The following CMTM8 variants were observed in gnomAD, a reference collection of about 807,000 sequenced individuals.
CMTM8 encodes CKLF like MARVEL transmembrane domain containing 8, also known as CKLF-like MARVEL transmembrane domain-containing protein 8.
Under a neutral mutation model 18.6 loss-of-function variants are expected in CMTM8, and 12 were observed. The observed-to-expected ratio is 0.65, with a 90% CI of 0.41 to 1.05. The LOEUF (loss-of-function observed/expected upper bound fraction) is 1.05, where lower values mean the gene tolerates loss of function less well. Ranked by LOEUF, CMTM8 falls within the 50% of genes least tolerant of loss-of-function variation. CMTM8 has a pLI of 0.00. For synonymous variants in CMTM8, 87 were observed against 90.6 expected (o/e 0.96, Z 0.23); for missense variants, 217 against 227.2 (o/e 0.95, Z 0.29).
Position 32,319,057 on chromosome 3 carries a change from C to CATACATATATATAT in CMTM8, c.148-38313_148-38312insCATATATATATATA, listed in dbSNP as rs1206855049. 6.2e-3 allele frequency among the ~76,000 whole-genome samples: 282 copies of CATACATATATATAT among 45,818 alleles called. 25 individuals are homozygous for CATACATATATATAT. Among genetic ancestry groups the CATACATATATATAT allele is most frequent in the African/African-American group, 0.027 (273 of 10,110 alleles). The allele number at this position is 45,818 out of a possible 152,430, so 30.1% of individuals were successfully genotyped here. ...AAATTTATATATATGTGTGTATATACATATATATATATATATATTTTTTTT... is the reference window on the plus strand; with the variant it reads ...AAATTTATATATATGTGTGTATATACATACATATATATATATATATATATATATATATTTTTTTT... On this transcript the variant is annotated intron_variant, in intron 1 of 3. Coordinates refer to ENST00000307526, the MANE Select transcript of CMTM8 (RefSeq NM_178868.5).
intron 1 of CMTM8, among the ~76,000 whole-genome samples, chr3:32,305,383 G>C (rs547051228): frequency 6.6e-6 from 1 of 152,158 alleles, no homozygotes; most frequent in East Asian, 1.9e-4. Flanking sequence ...TAGGAGGGTG[G>C]TATTGGCATC....
At chr3:32,336,698 G>A (rs1696393265) in intron 1 of CMTM8, among the ~76,000 whole-genome samples, 1 of 152,146 alleles carries the variant, frequency 6.6e-6, no homozygotes, top group African/African-American at 2.4e-5. Flanking sequence ...TGTTTTTATA[G>A]GGACTCTTGC....
rs572530030 is a variant in CMTM8 at position 32,320,574 on chromosome 3, A to T, written c.148-36799A>T. ...TGATTGTGATGATGGCTATGAATACACTAAAATCTATTGTGTACTTTAAGT... is the reference window on the plus strand; with the variant it reads ...TGATTGTGATGATGGCTATGAATACTCTAAAATCTATTGTGTACTTTAAGT... On this transcript the variant is annotated intron_variant, in intron 1 of 3. Coordinates refer to ENST00000307526, the MANE Select transcript of CMTM8 (RefSeq NM_178868.5). Among the ~76,000 whole-genome samples, 8 of 152,338 alleles carry T rather than the reference A, an allele frequency of 5.3e-5. No individual in the cohort carries two copies. The East Asian group carries it at 1.5e-3, about 29-fold the overall frequency.
chr3:32,328,021 G>A (rs948735406), intron 1 of CMTM8, among the ~76,000 whole-genome samples: 1 of 152,216 alleles, frequency 6.6e-6, no homozygotes, highest in Admixed American at 6.5e-5. Flanking sequence ...GACAAGCTTA[G>A]AAAACATAGT....
rs545456613 is a variant in CMTM8, at chr3:32,349,311, T to A, written c.148-8062T>A. Among the ~76,000 whole-genome samples the A allele has an allele frequency of 5.0e-3, 762 of 152,084 alleles. 6 individuals are homozygous for A. Among genetic ancestry groups the A allele is most frequent in the African/African-American group, 0.018 (735 of 41,486 alleles). ...CCTGGCTGGGCTGTGTGTTGGGGAA[T>A]CCCCAAAGTCAGTATCTTTGTCTTT... is the stretch of plus-strand genomic sequence containing the variant. On this transcript the variant is annotated intron_variant, in intron 1 of 3. Coordinates refer to ENST00000307526, the MANE Select transcript of CMTM8 (RefSeq NM_178868.5).
At chr3:32,332,868 T>G (rs1696307087) in intron 1 of CMTM8, among the ~76,000 whole-genome samples, 1 of 152,180 alleles carries the variant, frequency 6.6e-6, no homozygotes, top group African/African-American at 2.4e-5. Context: ...GTTTGTTGCC[T>G]TTTATCCTCA....
At chr3:32,262,479 C>T (rs755749901) in intron 1 of CMTM8, among the ~76,000 whole-genome samples, 3 of 152,132 alleles carry the variant, frequency 2.0e-5, no homozygotes, top group Non-Finnish European at 2.9e-5. Flanking sequence ...TTTACTACAT[C>T]CACTTCATTG....
chr3:32,316,113 G>A (rs1490850182), intron 1 of CMTM8, among the ~76,000 whole-genome samples: 2 of 125,920 alleles, frequency 1.6e-5, no homozygotes, highest in East Asian at 2.8e-4. Context: ...TGCAAGCTCC[G>A]CCTCCCGGGA....
chr3:32,349,217 T>G (rs1696656956), intron 1 of CMTM8, among the ~76,000 whole-genome samples: 1 of 152,106 alleles, frequency 6.6e-6, no homozygotes, highest in South Asian at 2.1e-4. Flanking sequence ...GCTTTAAGAG[T>G]GCAAAGCTCT....
chr3:32,329,080 T>A (rs561965260), intron 1 of CMTM8, among the ~76,000 whole-genome samples: 1 of 151,922 alleles, frequency 6.6e-6, no homozygotes, highest in African/African-American at 2.4e-5. Flanking sequence ...AAAAAAAAAT[T>A]TTTTTTTTCC....
At chr3:32,256,697 G>A (rs1046485847) in intron 1 of CMTM8, among the ~76,000 whole-genome samples, 1 of 152,178 alleles carries the variant, frequency 6.6e-6, no homozygotes, top group Non-Finnish European at 1.5e-5. Context: ...GGCTTCCTTC[G>A]AGTTTCCCAA....
At chr3:32,255,663 A>T (rs1446905673) in intron 1 of CMTM8, among the ~76,000 whole-genome samples, 10 of 152,272 alleles carry the variant, frequency 6.6e-5, no homozygotes, top group African/African-American at 2.4e-4. Flanking sequence ...ATACTTGAAT[A>T]ATAATTTGGT....
At chr3:32,304,182 A>G (rs1345966574) in intron 1 of CMTM8, among the ~76,000 whole-genome samples, 5 of 152,210 alleles carry the variant, frequency 3.3e-5, no homozygotes, top group African/African-American at 1.2e-4. Flanking sequence ...TTGTACCAAA[A>G]TCAGTGTTGC....
Position 32,265,747 on chromosome 3 carries a change from C to A in CMTM8, c.147+26628C>A, listed in dbSNP as rs554361929. On this transcript the variant is annotated intron_variant, in intron 1 of 3. Transcript: ENST00000307526. ...AAAAAAGAGAGAAGAATCAAATAGA[C>A]GCAATAAAAAATGATAAAGAGGATA... Among the ~76,000 whole-genome samples, 27 of 147,140 alleles carry A rather than the reference C, an allele frequency of 1.8e-4. No individual in the cohort carries two copies. The South Asian group carries it at 5.7e-3, about 31-fold the overall frequency.
intron 1 of CMTM8, among the ~76,000 whole-genome samples, chr3:32,257,100 T>C (rs1444793785): frequency 6.6e-6 from 1 of 152,180 alleles, no homozygotes; most frequent in Non-Finnish European, 1.5e-5. Flanking sequence ...CAATTCTATG[T>C]CCCAGTAGCT....
chr3:32,240,243 G>A (rs1701930216), intron 1 of CMTM8, among the ~76,000 whole-genome samples: 2 of 152,170 alleles, frequency 1.3e-5, no homozygotes, highest in African/African-American at 4.8e-5. Flanking sequence ...GATACCACCC[G>A]GACCTGCTCT....
At position 32,361,286 on chromosome 3, in the gene CMTM8, G is replaced by GTTTTTTTTTTGTTTTTTTTTTTTT. The variant is rs58364646; in HGVS notation, c.321+3749_321+3750insTGTTTTTTTTTTTTTTTTTTTTTT. Among the ~76,000 whole-genome samples the GTTTTTTTTTTGTTTTTTTTTTTTT allele has an allele frequency of 7.0e-4, 61 of 87,216 alleles. 1 individual carries two copies. Among genetic ancestry groups the GTTTTTTTTTTGTTTTTTTTTTTTT allele is most frequent in the African/African-American group, 1.8e-3 (46 of 24,944 alleles). The allele number at this position is 87,216 out of a possible 152,430, so 57.2% of individuals were successfully genotyped here. ...GTGAGCCACGGCGCCCAGCCTAAGA[G>GTTTTTTTTTTGTTTTTTTTTTTTT]TTTTTTTTTCTTTCAAATTTTGGAA... On this transcript the variant is annotated intron_variant, in intron 2 of 3. Coordinates refer to ENST00000307526, the MANE Select transcript of CMTM8 (RefSeq NM_178868.5).
intron 1 of CMTM8, among the ~76,000 whole-genome samples, chr3:32,257,034 A>G (rs1196052217): frequency 6.6e-6 from 1 of 152,132 alleles, no homozygotes; most frequent in Non-Finnish European, 1.5e-5. Context: ...ATACCACTGT[A>G]TGTCTGGAAG....
chr3:32,249,919 A>T (rs1490773601), intron 1 of CMTM8, among the ~76,000 whole-genome samples: 1 of 152,068 alleles, frequency 6.6e-6, no homozygotes, highest in Admixed American at 6.6e-5. Context: ...TTCTTTTGTC[A>T]TTTGTGCTTT....
Sources: allele counts gnomAD v4.1 joint callset (sites outside exome capture counted in the v4.1 genomes callset), GRCh38; gene constraint gnomAD v4.1.1; transcripts MANE v1.5; gene names NCBI Gene and HGNC (gene_info 2026-07-23, HGNC 2026-07-21).